ARID4B: variants seen among roughly 807,000 people sequenced by gnomAD.
The protein encoded by ARID4B is AT-rich interactive domain-containing protein 4B.
A neutral mutation model predicts 147.5 loss-of-function variants in ARID4B; 26 were observed. The ratio of observed to expected loss-of-function variants is 0.18; its 90% CI spans 0.13 to 0.24. The LOEUF is 0.24. Ranked by LOEUF, ARID4B falls within the 10% of genes least tolerant of loss-of-function variation. The pLI is 1.00. For missense variants in ARID4B, 1,179 were observed against 1,511.5 expected, an observed-to-expected ratio of 0.78 and a Z score of 3.65; for synonymous variants, 512 against 507.9, an observed-to-expected ratio of 1.01 and a Z score of -0.11.
chr1:235,268,289 A>G (rs1172623260), intron 2 of ARID4B, among the ~76,000 whole-genome samples: 1 of 152,184 alleles, frequency 6.6e-6, no homozygotes, highest in Non-Finnish European at 1.5e-5. Context: ...CAGACTACAG[A>G]GAAGTCTAAA....
At chr1:235,263,977 G>C (rs945252081) in intron 2 of ARID4B, among the ~76,000 whole-genome samples, 2 of 151,872 alleles carry the variant, frequency 1.3e-5, no homozygotes, top group African/African-American at 4.8e-5. Context: ...CTGGGTGACA[G>C]AGCGAGACTC....
At chr1:235,321,503 G>A (rs994092214) in intron 2 of ARID4B, among the ~76,000 whole-genome samples, 3 of 151,930 alleles carry the variant, frequency 2.0e-5, no homozygotes, top group African/African-American at 7.2e-5. Flanking sequence ...GAGTTACTAG[G>A]TCCTGAATTC....
chr1:235,260,884 T>C (rs1024434829), intron 2 of ARID4B, 132 bp from the exon 3 acceptor site: 17 of 595,340 alleles, frequency 2.9e-5, no homozygotes, highest in East Asian at 1.5e-4. Flanking sequence ...ACAAGACCAA[T>C]CTATAAAATA....
chr1:235,263,855 G>A (rs1319970781), intron 2 of ARID4B, among the ~76,000 whole-genome samples: 6 of 152,016 alleles, frequency 3.9e-5, no homozygotes, highest in African/African-American at 9.6e-5. Flanking sequence ...ATAGCTGGGC[G>A]TGGTGGCGCA....
intron 3 of ARID4B, among the ~76,000 whole-genome samples, chr1:235,258,098 G>A (rs1197595287): frequency 6.6e-6 from 1 of 152,124 alleles, no homozygotes; most frequent in Admixed American, 6.6e-5. Flanking sequence ...TTGGAAGGCC[G>A]AAGCAGGTGG....
Position 235,167,279 on chromosome 1 carries a change from A to C in ARID4B, c.*1246T>G, listed in dbSNP as rs951491949. 4.6e-6 allele frequency: 1 copy of C among 216,896 alleles called. No homozygotes were observed. 13.4% of individuals were successfully genotyped at this position (216,896 alleles called of 1,614,324 possible). A position where few individuals can be genotyped will look rare whatever the true frequency, so the allele number is the denominator to read the frequency against. ...AAAAAGTACACAGAACTACAATTAA[A>C]ACAGTAAAACAGTCTGTACAATAAA... is the stretch of plus-strand genomic sequence containing the variant. On this transcript the variant is annotated 3_prime_UTR_variant, in exon 24 of 24. Coordinates refer to ENST00000264183, the MANE Select transcript of ARID4B (RefSeq NM_016374.6).
intron 7 of ARID4B, among the ~76,000 whole-genome samples, chr1:235,243,406 T>G (rs566916650): frequency 6.6e-6 from 1 of 152,198 alleles, no homozygotes. Flanking sequence ...GAGAGCCTGC[T>G]TGATTTTTAT....
chr1:235,263,862 C>T (rs569396102), intron 2 of ARID4B, among the ~76,000 whole-genome samples: 50 of 151,588 alleles, frequency 3.3e-4, no homozygotes, highest in African/African-American at 1.0e-3. Context: ...GGCGTGGTGG[C>T]GCACACCTGT....
chr1:235,190,025 G>A, intron 19 of ARID4B: 1 of 154,400 alleles, frequency 6.5e-6, no homozygotes, highest in Middle Eastern at 5.2e-4. Flanking sequence ...CATCACAGGG[G>A]ATGAAAATAT....
intron 11 of ARID4B, chr1:235,229,006 G>T: frequency 1.1e-5 from 5 of 469,022 alleles, no homozygotes; most frequent in East Asian, 4.2e-5. Context: ...ACATGTTTTT[G>T]AGGTTATTAG....
Position 235,287,789 on chromosome 1 carries a change from C to G in ARID4B, c.7-27037G>C, listed in dbSNP as rs75847483. Among the ~76,000 whole-genome samples the G allele has an allele frequency of 3.7e-3, 558 of 152,310 alleles. 18 individuals are homozygous for G. In the East Asian group the frequency reaches 0.076, roughly 21 times the overall value. ...GCATGAATTCATTTGCTTTATAAAA[C>G]TATAAAAATACAGAAGTATACAAAA... On this transcript the variant is annotated intron_variant, in intron 2 of 23. Transcript: ENST00000264183.
chr1:235,220,110 T>C, intron 15 of ARID4B, 142 bp from the exon 16 acceptor site: 3 of 804,160 alleles, frequency 3.7e-6, no homozygotes, highest in Non-Finnish European at 5.3e-6. Flanking sequence ...CCTGCTACTT[T>C]AAAGCTCTAG....
At position 235,192,764 on chromosome 1, in the gene ARID4B, C is replaced by T. The variant is rs368710749; in HGVS notation, c.2125+1249G>A. Among the ~76,000 whole-genome samples the T allele has an allele frequency of 3.3e-5, 5 of 152,264 alleles. No individual in the cohort carries two copies. In the East Asian group the frequency reaches 7.7e-4, roughly 24 times the overall value. On this transcript the variant is annotated intron_variant, in intron 19 of 23. Transcript: ENST00000264183. Reference sequence around the variant, plus strand: ...CTCCAATCCTCATTGCTTTTATTACCTATACTTCATTTTGCCTTAAATACT... The same window carrying T: ...CTCCAATCCTCATTGCTTTTATTACTTATACTTCATTTTGCCTTAAATACT...
chr1:235,209,545 T>C (rs540455827), intron 17 of ARID4B, among the ~76,000 whole-genome samples: 1 of 145,114 alleles, frequency 6.9e-6, no homozygotes, highest in African/African-American at 2.7e-5. Context: ...AACAAGAAAA[T>C]TGATTTTTTT....
rs1414101127 is a variant in ARID4B, at chr1:235,168,608, T to C, written c.3856A>G (p.Ile1286Val). Residue 1286 changes from isoleucine to valine, a missense_variant, in exon 24 of 24, where the codon ATA becomes GTA. Ile to Val is a conservative substitution (Grantham distance 29, BLOSUM62 3). Transcript: ENST00000264183. Reference protein sequence around the residue: ...SSSSSPSSSSITAAVMLTLAE... With the variant: ...SSSSSPSSSSVTAAVMLTLAE... ...AAAGTTAACATAACAGCAGCTGTTA[T>C]GGAACTGGATGAAGGTGAAGAGGAG... 3.7e-6 allele frequency: 6 copies of C among 1,613,910 alleles called. No homozygotes were observed. In the East Asian group the frequency reaches 6.7e-5, roughly 18 times the overall value.
chr1:235,280,911 C>T (rs556248483), intron 2 of ARID4B, among the ~76,000 whole-genome samples: 1 of 151,194 alleles, frequency 6.6e-6, no homozygotes, highest in Non-Finnish European at 1.5e-5. Context: ...ATTGGGTGAG[C>T]GCTAATTCTC....
intron 2 of ARID4B, among the ~76,000 whole-genome samples, chr1:235,314,352 A>G (rs1195180474): frequency 6.6e-6 from 1 of 152,198 alleles, no homozygotes; most frequent in Non-Finnish European, 1.5e-5. Context: ...TTCATTTCAT[A>G]TTTACACAAC....
intron 2 of ARID4B, among the ~76,000 whole-genome samples, chr1:235,286,060 G>GTTTTTTTT (rs59183748): frequency 6.6e-6 from 1 of 151,368 alleles, no homozygotes; most frequent in African/African-American, 2.4e-5. Flanking sequence ...GTTTTGTTTT[G>GTTTTTTTT]TTTTGAGATA....
intron 2 of ARID4B, among the ~76,000 whole-genome samples, chr1:235,262,410 A>G (rs1670349619): frequency 6.6e-6 from 1 of 152,220 alleles, no homozygotes; most frequent in Non-Finnish European, 1.5e-5. Flanking sequence ...TCATCAGTTC[A>G]TTTATACCAT....
Sources: gnomAD v4.1 joint callset for allele counts (sites outside exome capture counted in the v4.1 genomes callset) on GRCh38, gnomAD v4.1.1 for gene constraint, MANE v1.5 for transcripts, NCBI Gene and HGNC (gene_info 2026-07-23, HGNC 2026-07-21) for gene names.